The following FKBP1B variants were observed in gnomAD, a reference collection of about 807,000 sequenced individuals.
The protein encoded by FKBP1B is FKBP prolyl isomerase 1B.
A neutral mutation model predicts 13.5 loss-of-function variants in FKBP1B; 4 were observed. The observed-to-expected ratio is 0.30, with a 90% CI of 0.15 to 0.68. The LOEUF is 0.68. Among genes scored for constraint, FKBP1B ranks in the 30% least tolerant of loss-of-function variants. The pLI is 0.76. For missense variants in FKBP1B, 93 were observed against 136.2 expected (o/e 0.68, Z 1.58); for synonymous variants, 54 against 53.6 (o/e 1.01, Z -0.03).
chr2:24,037,363 T>C, the FKBP1B span, among the ~76,000 whole-genome samples: 4 of 152,200 alleles, frequency 2.6e-5, no homozygotes, highest in East Asian at 5.8e-4. Flanking sequence ...CTCTATTATA[T>C]AAGGAAAAGG....
chr2:24,044,430 C>T, the FKBP1B span, among the ~76,000 whole-genome samples: 1 of 152,006 alleles, frequency 6.6e-6, no homozygotes, highest in Non-Finnish European at 1.5e-5. Flanking sequence ...CCATGCCCAG[C>T]TAATTTTTAT....
rs1664478966 is a variant in FKBP1B, at chr2:24,063,189, G to A, written c.324G>A (p.Glu108=). Residue 108 remains glutamate, a synonymous_variant, in exon 4 of 4, where the codon GAG becomes GAA. Transcript: ENST00000380986. ...LIFDVELLNL[E] ...TTGACGTGGAGCTGCTCAACTTAGA[G>A]TGAAGGCAGGAAGGAACTCAAGGTG... is the stretch of plus-strand genomic sequence containing the variant. 1.3e-6 allele frequency: 2 copies of A among 1,590,274 alleles called. No homozygotes were observed. Among genetic ancestry groups the A allele is most frequent in the Admixed American group, 1.8e-5 (1 of 56,626 alleles).
At chr2:24,062,719 C>T (rs1664449963) in intron 3 of FKBP1B, among the ~76,000 whole-genome samples, 1 of 152,106 alleles carries the variant, frequency 6.6e-6, no homozygotes, top group Non-Finnish European at 1.5e-5. Context: ...ATTCATACAC[C>T]CTCTTTTCCT....
upstream of FKBP1B, among the ~76,000 whole-genome samples, chr2:24,044,845 C>T (rs1333161523): frequency 7.1e-6 from 1 of 141,440 alleles, no homozygotes; most frequent in Admixed American, 7.2e-5. Context: ...AAAAAAAGCA[C>T]AGCGGTGATC....
upstream of FKBP1B, among the ~76,000 whole-genome samples, chr2:24,048,334 G>A (rs1280018649): frequency 4.0e-5 from 6 of 151,780 alleles, no homozygotes; most frequent in African/African-American, 1.2e-4. Context: ...GCCGAACGCT[G>A]GTGTCTCACG....
the FKBP1B span, among the ~76,000 whole-genome samples, chr2:24,033,837 G>GATCA: frequency 6.6e-6 from 1 of 152,130 alleles, no homozygotes; most frequent in Non-Finnish European, 1.5e-5. Flanking sequence ...TGGATTGCTT[G>GATCA]AGCCCAGGTA....
intron 3 of FKBP1B, among the ~76,000 whole-genome samples, chr2:24,061,331 G>T (rs962275137): frequency 1.3e-5 from 2 of 152,294 alleles, no homozygotes; most frequent in East Asian, 3.9e-4. Flanking sequence ...GTGCATGCCT[G>T]TAATCCCAGC....
the FKBP1B span, among the ~76,000 whole-genome samples, chr2:24,036,475 G>A: frequency 1.1e-4 from 16 of 152,150 alleles, no homozygotes; most frequent in Admixed American, 3.9e-4. Flanking sequence ...CATAGCTGGC[G>A]GGCGTGTGAT....
Position 24,063,461 on chromosome 2 carries a change from AGAAC to A in FKBP1B, c.*270_*273del. On this transcript the variant is annotated 3_prime_UTR_variant, in exon 4 of 4. Transcript: ENST00000380986. ...GCATGTAGTAGCCTTTCCTGATGAC[AGAAC>A]ACAGATCTCTTGTTCGCACAATCTA... 2.7e-6 allele frequency: 1 copy of A among 377,258 alleles called. No homozygotes were observed. Among genetic ancestry groups the A allele is most frequent in the Non-Finnish European group, 4.7e-6 (1 of 211,456 alleles). 23.4% of individuals were successfully genotyped at this position (377,258 alleles called of 1,614,324 possible).
At chr2:24,059,765 G>A (rs1035467147) in intron 2 of FKBP1B, among the ~76,000 whole-genome samples, 1 of 151,702 alleles carries the variant, frequency 6.6e-6, no homozygotes, top group East Asian at 1.9e-4. Context: ...CATAGTGGCA[G>A]GTACCTGTAG....
chr2:24,047,431 G>C (rs1663664546), upstream of FKBP1B: 1 of 152,214 alleles, frequency 6.6e-6, no homozygotes, highest in Non-Finnish European at 1.5e-5. Flanking sequence ...TCCTCTGATA[G>C]GTGGGCGGTG....
chr2:24,035,923 G>C, the FKBP1B span, among the ~76,000 whole-genome samples: 1 of 151,846 alleles, frequency 6.6e-6, no homozygotes, highest in Non-Finnish European at 1.5e-5. Flanking sequence ...ACAAAAATTA[G>C]CCAGGTGTGG....
At chr2:24,039,866 C>T in the FKBP1B span, among the ~76,000 whole-genome samples, 852 of 152,096 alleles carry the variant, frequency 5.6e-3, no homozygotes, top group East Asian at 0.013. Flanking sequence ...GGCACAATCT[C>T]GGCGCACTTC....
At chr2:24,035,177 T>C in the FKBP1B span, among the ~76,000 whole-genome samples, 1 of 151,726 alleles carries the variant, frequency 6.6e-6, no homozygotes, top group South Asian at 2.1e-4. Context: ...AACAAGTATA[T>C]ATTACTTTTG....
In FKBP1B at chr2:24,063,360, A is replaced by G; in HGVS notation, c.*168A>G. On this transcript the variant is annotated 3_prime_UTR_variant, in exon 4 of 4. Transcript: ENST00000380986. ...CCAAGTTGCTCTGTATGTGTTCGTC[A>G]GTGTTCATGCGAATTCTTGCTTGAG... 1.6e-6 allele frequency: 1 copy of G among 621,448 alleles called. No individual in the cohort carries two copies. 38.5% of individuals were successfully genotyped at this position (621,448 alleles called of 1,614,324 possible).
rs1573695565 is a variant in FKBP1B at position 24,059,684 on chromosome 2, A to G, written c.86-1130A>G. On this transcript the variant is annotated intron_variant, in intron 2 of 3. Coordinates refer to ENST00000380986, the MANE Select transcript of FKBP1B (RefSeq NM_004116.5). ...TGAGGTGGGCAGATCACCTGAGGTC[A>G]GGAGTTCGAGACCAGCCTGGCCAAC... Among the ~76,000 whole-genome samples the G allele has an allele frequency of 2.6e-5, 4 of 152,120 alleles. No homozygotes were observed. The South Asian group carries it at 6.2e-4, about 24-fold the overall frequency.
the FKBP1B span, among the ~76,000 whole-genome samples, chr2:24,036,223 G>A: frequency 1.3e-5 from 2 of 151,030 alleles, no homozygotes; most frequent in Non-Finnish European, 1.5e-5. Context: ...TGTAGGGTTG[G>A]GGCCACATGC....
rs989475999 is a variant in FKBP1B at position 24,051,153 on chromosome 2, T to G, written c.37+1267T>G. ...GTTCGAGACCAGCCTGACCAACATG[T>G]TGAAACCCCGTCTCTACTAAAAATA... On this transcript the variant is annotated intron_variant, in intron 1 of 3. Transcript: ENST00000380986. Among the ~76,000 whole-genome samples the G allele has an allele frequency of 4.0e-5, 6 of 151,846 alleles. No individual in the cohort carries two copies. In the South Asian group the frequency reaches 1.2e-3, roughly 32 times the overall value.
At chr2:24,042,247 C>CA in the FKBP1B span, among the ~76,000 whole-genome samples, 5 of 151,764 alleles carry the variant, frequency 3.3e-5, no homozygotes, top group Admixed American at 6.6e-5. Flanking sequence ...ACTAAAAATA[C>CA]AAAAAATTGG....
Sources: gnomAD v4.1 joint callset for allele counts (sites outside exome capture counted in the v4.1 genomes callset) on GRCh38, gnomAD v4.1.1 for gene constraint, MANE v1.5 for transcripts, NCBI Gene and HGNC (gene_info 2026-07-23, HGNC 2026-07-21) for gene names.